Variants in SLC8A1 observed in about 807,000 individuals in gnomAD.
The protein encoded by SLC8A1 is sodium/calcium exchanger 1.
SLC8A1 carries 18 observed loss-of-function variants against 68.3 expected under a neutral mutation model. That is an observed-to-expected ratio of 0.26 (90% CI 0.18 to 0.39). The LOEUF (loss-of-function observed/expected upper bound fraction) is 0.39, where lower values mean the gene tolerates loss of function less well. SLC8A1 is among the 10% of genes least tolerant of loss of function. SLC8A1 has a pLI of 1.00. For missense variants in SLC8A1, 985 were observed against 1,156.7 expected (o/e 0.85, Z 2.15); for synonymous variants, 475 against 415.5 (o/e 1.14, Z -1.74).
At chr2:40,113,305 G>A (rs1195327137) in exon 8 of SLC8A1, 1 of 152,688 alleles carries the variant, frequency 6.5e-6, no homozygotes. Flanking sequence ...CTCCAGCCTG[G>A]GATTCCTTAT....
intron 1 of SLC8A1, among the ~76,000 whole-genome samples, chr2:40,507,113 T>C (rs1342865439): frequency 6.6e-6 from 1 of 152,058 alleles, no homozygotes; most frequent in African/African-American, 2.4e-5. Context: ...ATTGTTCATT[T>C]TAGATTAATG....
chr2:40,427,767 T>G (rs1240042426), intron 2 of SLC8A1, among the ~76,000 whole-genome samples: 1 of 152,160 alleles, frequency 6.6e-6, no homozygotes. Context: ...GGACAGAACC[T>G]TATTTCTCTC....
Position 40,277,217 on chromosome 2 carries a change from C to T in SLC8A1, c.1809-99362G>A, listed in dbSNP as rs959914227. On this transcript the variant is annotated intron_variant, in intron 2 of 7. Coordinates refer to ENST00000406785, the Ensembl canonical transcript of SLC8A1. Reference sequence around the variant, plus strand: ...TTGTCACTCTGACAAGTTACTTGCCCTCTCTATGCCTGTTTTTTTTTTATT... The same window carrying T: ...TTGTCACTCTGACAAGTTACTTGCCTTCTCTATGCCTGTTTTTTTTTTATT... 6.6e-5 allele frequency among the ~76,000 whole-genome samples: 10 copies of T among 150,430 alleles called. No individual in the cohort carries two copies. The East Asian group carries it at 1.4e-3, about 22-fold the overall frequency.
rs1394810377 is a variant in SLC8A1, at chr2:40,419,308, A to C, written c.1808+9165T>G. 2.0e-5 allele frequency among the ~76,000 whole-genome samples: 3 copies of C among 152,186 alleles called. No homozygotes were observed. In the East Asian group the frequency reaches 5.8e-4, roughly 29 times the overall value. On this transcript the variant is annotated intron_variant, in intron 2 of 7. Coordinates refer to ENST00000406785, the Ensembl canonical transcript of SLC8A1. ...ACAAAGTTGCTGTCTATTTTTAATA[A>C]AGAAGCAGCTTGAGTGAATCCCATT...
intron 2 of SLC8A1, among the ~76,000 whole-genome samples, chr2:40,422,990 G>A (rs931967016): frequency 1.3e-5 from 2 of 152,050 alleles, no homozygotes; most frequent in Non-Finnish European, 2.9e-5. Context: ...TTGAGAACGG[G>A]AAAACAATAC....
chr2:40,479,560 T>C (rs934339084), intron 1 of SLC8A1, among the ~76,000 whole-genome samples: 2 of 152,188 alleles, frequency 1.3e-5, no homozygotes, highest in African/African-American at 4.8e-5. Flanking sequence ...ATTTATATAT[T>C]CTATAGATGA....
At chr2:40,374,242 C>T (rs985208040) in intron 2 of SLC8A1, among the ~76,000 whole-genome samples, 25 of 152,118 alleles carry the variant, frequency 1.6e-4, no homozygotes, top group African/African-American at 5.1e-4. Context: ...CCAGGCACAG[C>T]GGCTCATCTC....
chr2:40,174,458 A>T (rs2048109436), intron 4 of SLC8A1, among the ~76,000 whole-genome samples: 2 of 152,158 alleles, frequency 1.3e-5, no homozygotes, highest in African/African-American at 4.8e-5. Flanking sequence ...GTACATCATT[A>T]GCACTATGTG....
intron 2 of SLC8A1, among the ~76,000 whole-genome samples, chr2:40,308,930 C>A (rs1050176199): frequency 6.6e-6 from 1 of 152,122 alleles, no homozygotes; most frequent in East Asian, 1.9e-4. Flanking sequence ...GAAGAAATAA[C>A]CTTGCAAAAT....
intron 2 of SLC8A1, among the ~76,000 whole-genome samples, chr2:40,270,738 A>G (rs2065922161): frequency 6.6e-6 from 1 of 152,192 alleles, no homozygotes; most frequent in African/African-American, 2.4e-5. Flanking sequence ...GGTTCTGGGA[A>G]TTAGAACATG....
intron 2 of SLC8A1, among the ~76,000 whole-genome samples, chr2:40,224,708 CA>C (rs2058755401): frequency 6.6e-6 from 1 of 152,126 alleles, no homozygotes; most frequent in African/African-American, 2.4e-5. Context: ...TATTATCAGG[CA>C]TAAAATTTGC....
At chr2:40,308,493 C>T (rs144246154) in intron 2 of SLC8A1, among the ~76,000 whole-genome samples, 54 of 152,186 alleles carry the variant, frequency 3.5e-4, no homozygotes, top group African/African-American at 1.3e-3. Flanking sequence ...GGAACCTGGG[C>T]CATTTCTGCT....
Position 40,245,733 on chromosome 2 carries a change from G to A in SLC8A1, c.1809-67878C>T, listed in dbSNP as rs536816255. On this transcript the variant is annotated intron_variant, in intron 2 of 7. Transcript: ENST00000406785. Reference sequence around the variant, plus strand: ...TCTTGACTATCTGCTGCTCTCCTGTGATGTATATTGTGAAAAACACATTTT... The same window carrying A: ...TCTTGACTATCTGCTGCTCTCCTGTAATGTATATTGTGAAAAACACATTTT... Among the ~76,000 whole-genome samples, 5 of 151,734 alleles carry A rather than the reference G, an allele frequency of 3.3e-5. No individual in the cohort carries two copies. In the South Asian group the frequency reaches 1.0e-3, roughly 32 times the overall value.
chr2:40,378,790 G>A lies in SLC8A1; in HGVS notation c.1808+49683C>T, dbSNP rs992168324. Among the ~76,000 whole-genome samples, 7 of 152,120 alleles carry A rather than the reference G, an allele frequency of 4.6e-5. No individual in the cohort carries two copies. The East Asian group carries it at 7.8e-4, about 17-fold the overall frequency. ...TGTTAAATTCCTATTTTGGCCCAGC[G>A]AACTCACTTCTCTCTTTAAAATGGC... is the stretch of plus-strand genomic sequence containing the variant. On this transcript the variant is annotated intron_variant, in intron 2 of 7. Coordinates refer to ENST00000406785, the Ensembl canonical transcript of SLC8A1.
chr2:40,509,287 T>C (rs534500938), intron 1 of SLC8A1, among the ~76,000 whole-genome samples: 52 of 152,262 alleles, frequency 3.4e-4, no homozygotes, highest in African/African-American at 1.3e-3. Flanking sequence ...AGAAATCCTA[T>C]AGCCTTTCTG....
intron 2 of SLC8A1, among the ~76,000 whole-genome samples, chr2:40,343,544 G>C (rs1668356343): frequency 6.6e-6 from 1 of 152,180 alleles, no homozygotes; most frequent in Non-Finnish European, 1.5e-5. Context: ...TCAGGTGACA[G>C]TGCTGGAGCT....
intron 1 of SLC8A1, among the ~76,000 whole-genome samples, chr2:40,487,946 A>G (rs1016396507): frequency 1.3e-5 from 2 of 152,184 alleles, no homozygotes; most frequent in Non-Finnish European, 2.9e-5. Context: ...TGGAAAAACG[A>G]TACTACCAGC....
intron 2 of SLC8A1, among the ~76,000 whole-genome samples, chr2:40,390,965 T>C (rs1576006952): frequency 6.6e-6 from 1 of 152,094 alleles, no homozygotes; most frequent in African/African-American, 2.4e-5. Flanking sequence ...TCTTTGTGGA[T>C]ATATTTGGAG....
At chr2:40,328,733 A>C (rs1302366892) in intron 2 of SLC8A1, among the ~76,000 whole-genome samples, 3 of 152,102 alleles carry the variant, frequency 2.0e-5, no homozygotes, top group Admixed American at 1.3e-4. Flanking sequence ...CTCACACTGA[A>C]TCAGTTTCCA....
Sources: gnomAD v4.1 joint callset for allele counts (sites outside exome capture counted in the v4.1 genomes callset) on GRCh38, gnomAD v4.1.1 for gene constraint, MANE v1.5 for transcripts, NCBI Gene and HGNC (gene_info 2026-07-23, HGNC 2026-07-21) for gene names.